OCA2: variants seen among roughly 807,000 people sequenced by gnomAD.
The protein encoded by OCA2 is P protein.
A neutral mutation model predicts 100.2 loss-of-function variants in OCA2; 77 were observed. The observed-to-expected ratio is 0.77, with a 90% CI of 0.64 to 0.93. OCA2 has a LOEUF of 0.93. Ranked by LOEUF, OCA2 falls within the 40% of genes least tolerant of loss-of-function variation. The probability of loss-of-function intolerance (pLI) is 0.00; values close to 1 mark genes in which losing one functional copy is unlikely to be tolerated. For missense variants in OCA2, 1,062 were observed against 1,089.1 expected, an observed-to-expected ratio of 0.98 and a Z score of 0.35; for synonymous variants, 432 against 439.2, an observed-to-expected ratio of 0.98 and a Z score of 0.21.
At chr15:27,724,753 A>C in the OCA2 span, among the ~76,000 whole-genome samples, 7 of 152,102 alleles carry the variant, frequency 4.6e-5, no homozygotes, top group Non-Finnish European at 7.4e-5. Context: ...TATTGTTTAG[A>C]AATATTACAT....
At chr15:27,915,216 G>A (rs2038620321) in intron 19 of OCA2, among the ~76,000 whole-genome samples, 2 of 152,146 alleles carry the variant, frequency 1.3e-5, no homozygotes, top group South Asian at 4.1e-4. Context: ...AACTCAAGAT[G>A]GATCAAAGAT....
chr15:28,014,833 G>A lies in OCA2; in HGVS notation c.987C>T (p.Thr329=), dbSNP rs756271658. The A allele has an allele frequency of 1.9e-6, 3 of 1,613,972 alleles. No individual in the cohort carries two copies. The East Asian group carries it at 6.7e-5, about 36-fold the overall frequency. Residue 329 remains threonine, a synonymous_variant, in exon 9 of 24, where the codon ACC becomes ACT. Transcript: ENST00000354638. The part of the protein sequence containing the change: ...AHQYLRGSVE[T]QVTIATAILA... The stretch of plus-strand genomic sequence containing the variant: ...GGATGGCCGTCGCGATGGTCACCTG[G>A]GTTTCTACACTTCCGCGGAGGTACT...
chr15:27,873,639 A>G (rs993665348), intron 19 of OCA2, among the ~76,000 whole-genome samples: 1 of 152,226 alleles, frequency 6.6e-6, no homozygotes, highest in African/African-American at 2.4e-5. Flanking sequence ...ATAGACATTT[A>G]TATTTACATA....
intron 2 of OCA2, among the ~76,000 whole-genome samples, chr15:28,054,985 G>C (rs2043644723): frequency 6.6e-6 from 1 of 152,138 alleles, no homozygotes; most frequent in Non-Finnish European, 1.5e-5. Flanking sequence ...AATAGCATGG[G>C]GGAAACCACG....
At chr15:28,073,459 A>C (rs1210392962) in intron 2 of OCA2, among the ~76,000 whole-genome samples, 2 of 152,230 alleles carry the variant, frequency 1.3e-5, no homozygotes, top group African/African-American at 4.8e-5. Flanking sequence ...ACATAGATGG[A>C]GCTGGAAGCT....
At position 27,845,325 on chromosome 15, in the gene OCA2, A is replaced by G. The variant is rs185105646; in HGVS notation, c.2339-273T>C. On this transcript the variant is annotated intron_variant, in intron 22 of 23. Transcript: ENST00000354638. The stretch of plus-strand genomic sequence containing the variant: ...GAAAGCTAAGGAGAATGGGCAAGTC[A>G]CTGTGGGGCTGTGTGTCTTTCAGAG... 2.6e-3 allele frequency among the ~76,000 whole-genome samples: 399 copies of G among 152,254 alleles called. 2 individuals are homozygous for G. Among genetic ancestry groups the G allele is most frequent in the African/African-American group, 9.3e-3 (385 of 41,552 alleles).
intron 21 of OCA2, among the ~76,000 whole-genome samples, chr15:27,865,924 C>T (rs2036303866): frequency 6.6e-6 from 1 of 152,198 alleles, no homozygotes; most frequent in Non-Finnish European, 1.5e-5. Context: ...AAGGTCCTCC[C>T]AGTCAAAGGG....
chr15:28,027,705 T>C (rs1471276024), intron 4 of OCA2, among the ~76,000 whole-genome samples, 166 bp downstream of exon 4: 2 of 152,192 alleles, frequency 1.3e-5, no homozygotes, highest in Non-Finnish European at 2.9e-5. Context: ...AATGTCTCCC[T>C]AGGCCCAGGT....
chr15:27,727,126 G>A, the OCA2 span, among the ~76,000 whole-genome samples: 1 of 152,350 alleles, frequency 6.6e-6, no homozygotes, highest in South Asian at 2.1e-4. Context: ...TAGGGAAAAG[G>A]ATGGGAAAAT....
chr15:27,994,523 C>T (rs2041660175), intron 9 of OCA2, among the ~76,000 whole-genome samples: 1 of 152,212 alleles, frequency 6.6e-6, no homozygotes, highest in Admixed American at 6.5e-5. Flanking sequence ...CCAGGCATCG[C>T]CTCACAGACC....
At chr15:27,872,532 C>T (rs929612414) in intron 19 of OCA2, among the ~76,000 whole-genome samples, 4 of 152,088 alleles carry the variant, frequency 2.6e-5, no homozygotes, top group African/African-American at 9.7e-5. Context: ...GGCTCACGAC[C>T]GAGCCACTGT....
At chr15:27,858,429 A>C (rs1277314458) in intron 21 of OCA2, among the ~76,000 whole-genome samples, 1 of 152,078 alleles carries the variant, frequency 6.6e-6, no homozygotes, top group Non-Finnish European at 1.5e-5. Flanking sequence ...ACTGGATAAG[A>C]AACAGGATAC....
In OCA2 at chr15:27,955,188, C is replaced by A; in HGVS notation, c.1812G>T (p.Trp604Cys). The A allele has an allele frequency of 6.2e-7, 1 of 1,612,566 alleles. No homozygotes were observed. The highest frequency in any genetic ancestry group is 1.1e-5 in the South Asian group (1 of 91,040). Residue 604 changes from tryptophan to cysteine, a missense_variant, in exon 17 of 24, where the codon TGG becomes TGT. Trp to Cys is a radical substitution (Grantham distance 215). Transcript: ENST00000354638. ...TTTGGAGTTCTTGGATATTGGTCTC[C>A]CAATTTTTGTCCTCCTGTGAGATCT... Reference protein sequence around the residue: ...HRQISQEDKNWETNIQELQKK... With the variant: ...HRQISQEDKNCETNIQELQKK...
chr15:27,844,742 C>A (rs1033286338), intron 23 of OCA2, among the ~76,000 whole-genome samples: 2 of 152,162 alleles, frequency 1.3e-5, no homozygotes, highest in African/African-American at 4.8e-5. Context: ...CTCAGGCAAT[C>A]CACCCGTCTC....
chr15:27,836,518 A>G (rs759127746), intron 23 of OCA2, among the ~76,000 whole-genome samples: 15 of 152,144 alleles, frequency 9.9e-5, no homozygotes, highest in Non-Finnish European at 1.2e-4. Context: ...TCTCACATTC[A>G]TGATTTTTAA....
At chr15:27,821,023 G>A (rs923993076) in intron 23 of OCA2, among the ~76,000 whole-genome samples, 1 of 152,058 alleles carries the variant, frequency 6.6e-6, no homozygotes, top group Non-Finnish European at 1.5e-5. Context: ...CTACCAGAAA[G>A]AAAACAATAT....
chr15:28,009,105 C>G (rs1419718681), intron 9 of OCA2, among the ~76,000 whole-genome samples: 1 of 152,188 alleles, frequency 6.6e-6, no homozygotes, highest in African/African-American at 2.4e-5. Flanking sequence ...CCAGCCCTCC[C>G]CTCATAATGT....
chr15:27,861,460 G>A (rs140609149), intron 21 of OCA2, among the ~76,000 whole-genome samples: 5 of 152,206 alleles, frequency 3.3e-5, no homozygotes, highest in South Asian at 2.1e-4. Flanking sequence ...CCCTGCAGCC[G>A]TGAGTCTAGA....
intron 1 of OCA2, among the ~76,000 whole-genome samples, chr15:28,088,568 G>C (rs181364617): frequency 6.6e-6 from 1 of 152,276 alleles, no homozygotes; most frequent in African/African-American, 2.4e-5. Flanking sequence ...CGGCTGGTCT[G>C]AGAAATAAAG....
Sources: gnomAD v4.1 joint callset for allele counts (sites outside exome capture counted in the v4.1 genomes callset) on GRCh38, gnomAD v4.1.1 for gene constraint, MANE v1.5 for transcripts, NCBI Gene and HGNC (gene_info 2026-07-23, HGNC 2026-07-21) for gene names.